The following KIRREL3 variants were observed in gnomAD, a reference collection of about 807,000 sequenced individuals.
KIRREL3 encodes the protein kirre like nephrin family adhesion molecule 3.
KIRREL3 carries 36 observed loss-of-function variants against 89.7 expected under a neutral mutation model. The ratio of observed to expected loss-of-function variants is 0.40; its 90% confidence interval spans 0.31 to 0.53. The LOEUF (loss-of-function observed/expected upper bound fraction) is 0.53, where lower values mean the gene tolerates loss of function less well. Ranked by LOEUF, KIRREL3 falls within the 20% of genes least tolerant of loss-of-function variation. KIRREL3 has a pLI of 0.49. For synonymous variants in KIRREL3, 445 were observed against 441.4 expected (o/e 1.01, Z -0.10); for missense variants, 864 against 1,056.6 (o/e 0.82, Z 2.53).
In KIRREL3 at chr11:126,684,207, C is replaced by G. The variant is rs1401399824; in HGVS notation, c.56-121295G>C. 6.6e-6 allele frequency among the ~76,000 whole-genome samples: 1 copy of G among 152,204 alleles called. No homozygotes were observed. Among genetic ancestry groups the G allele is most frequent in the African/African-American group, 2.4e-5 (1 of 41,458 alleles). On this transcript the variant is annotated intron_variant, in intron 1 of 16. Coordinates refer to ENST00000525144, the MANE Select transcript of KIRREL3 (RefSeq NM_032531.4). This position sits in a 1 kb window ranked among gnomAD's most constrained non-coding sequence, Gnocchi z 4.2. ...GTGCAATATGGTGGGAGGAGCCGGG[C>G]TGGAGGCTGCAGACTCTGCCTCTGT...
rs753660286 is a variant in KIRREL3 at position 126,431,273 on chromosome 11, C to A, written c.1696+146G>T. The stretch of plus-strand genomic sequence containing the variant: ...TTGCCCAGGCTCACATACACCGATG[C>A]ATCAGACCCACTCCCTGCCCCAGGA... On this transcript the variant is annotated intron_variant, in intron 14 of 16. Coordinates refer to ENST00000525144, the MANE Select transcript of KIRREL3 (RefSeq NM_032531.4). This position sits in a 1 kb window ranked among gnomAD's most constrained non-coding sequence, Gnocchi z 7.1. 30 of 1,547,860 alleles carry A rather than the reference C, an allele frequency of 1.9e-5. No homozygotes were observed. The highest frequency in any genetic ancestry group is 2.4e-5 in the Non-Finnish European group (28 of 1,144,424).
Position 126,996,062 on chromosome 11 carries a change from T to G in KIRREL3, c.55+4393A>C, listed in dbSNP as rs1481551359. 6.6e-6 allele frequency among the ~76,000 whole-genome samples: 1 copy of G among 152,136 alleles called. No homozygotes were observed. Among genetic ancestry groups the G allele is most frequent in the Non-Finnish European group, 1.5e-5 (1 of 68,032 alleles). ...CTCCCCCTAGGGACTTTCTTTTCCA[T>G]CCTCAATAGGTCTGGCTGGCAACTG... On this transcript the variant is annotated intron_variant, in intron 1 of 16. Coordinates refer to ENST00000525144, the MANE Select transcript of KIRREL3 (RefSeq NM_032531.4). This position sits in a 1 kb window ranked among gnomAD's most constrained non-coding sequence, Gnocchi z 4.7.
intron 1 of KIRREL3, among the ~76,000 whole-genome samples, chr11:126,858,008 C>T (rs1351165600): frequency 6.6e-6 from 1 of 152,188 alleles, no homozygotes; most frequent in Non-Finnish European, 1.5e-5. Flanking sequence ...AATGGGCTTA[C>T]CACTTTAACA....
At position 126,686,970 on chromosome 11, in the gene KIRREL3, T is replaced by C. The variant is rs1036471077; in HGVS notation, c.56-124058A>G. Among the ~76,000 whole-genome samples the C allele has an allele frequency of 8.5e-5, 13 of 152,142 alleles. No homozygotes were observed. The highest frequency in any genetic ancestry group is 6.5e-4 in the Admixed American group (10 of 15,284). ...TGAGAAGAGTCAAATTCAGAAGGCC[T>C]GACAGAGATGACATCCCTGGAACTG... On this transcript the variant is annotated intron_variant, in intron 1 of 16. Coordinates refer to ENST00000525144, the MANE Select transcript of KIRREL3 (RefSeq NM_032531.4). This position sits in a 1 kb window ranked among gnomAD's most constrained non-coding sequence, Gnocchi z 4.7.
intron 1 of KIRREL3, among the ~76,000 whole-genome samples, chr11:126,770,044 T>C (rs1423303666): frequency 1.3e-5 from 2 of 152,084 alleles, no homozygotes; most frequent in African/African-American, 2.4e-5. Flanking sequence ...TGGGTAGGTG[T>C]GTGAAGCCTC....
chr11:126,732,719 A>G (rs1351101302), intron 1 of KIRREL3, among the ~76,000 whole-genome samples: 1 of 152,200 alleles, frequency 6.6e-6, no homozygotes, highest in Non-Finnish European at 1.5e-5. Context: ...AGACACTTTG[A>G]GGAAGGTAAC....
Position 126,955,151 on chromosome 11 carries a change from T to C in KIRREL3, c.55+45304A>G, listed in dbSNP as rs971648537. 1.3e-5 allele frequency among the ~76,000 whole-genome samples: 2 copies of C among 152,096 alleles called. No individual in the cohort carries two copies. Among genetic ancestry groups the C allele is most frequent in the Non-Finnish European group, 2.9e-5 (2 of 68,002 alleles). On this transcript the variant is annotated intron_variant, in intron 1 of 16. Coordinates refer to ENST00000525144, the MANE Select transcript of KIRREL3 (RefSeq NM_032531.4). This position sits in a 1 kb window ranked among gnomAD's most constrained non-coding sequence, Gnocchi z 4.6. ...TTTCACTGTGGGCTTCCTAATGCAG[T>C]AGGTTTCAAGCATGAATTAGGGGAA...
chr11:126,917,347 C>T lies in KIRREL3; in HGVS notation c.55+83108G>A, dbSNP rs1265990923. ...TTAATGGGTACAGAATTTCTGTTTA[C>T]AGTGATGAAAAAGTTCTGGAAATAA... On this transcript the variant is annotated intron_variant, in intron 1 of 16. Coordinates refer to ENST00000525144, the MANE Select transcript of KIRREL3 (RefSeq NM_032531.4). This position sits in a 1 kb window ranked among gnomAD's most constrained non-coding sequence, Gnocchi z 5.0. Among the ~76,000 whole-genome samples, 3 of 152,172 alleles carry T rather than the reference C, an allele frequency of 2.0e-5. No individual in the cohort carries two copies. The East Asian group carries it at 5.8e-4, about 29-fold the overall frequency.
intron 1 of KIRREL3, among the ~76,000 whole-genome samples, chr11:126,671,770 C>T (rs1945962152): frequency 6.6e-6 from 1 of 152,136 alleles, no homozygotes; most frequent in Non-Finnish European, 1.5e-5. Flanking sequence ...TCCAGAAAAG[C>T]TGACAATACT....
chr11:126,813,133 G>A (rs1474838373), intron 1 of KIRREL3, among the ~76,000 whole-genome samples: 1 of 152,140 alleles, frequency 6.6e-6, no homozygotes, highest in Non-Finnish European at 1.5e-5. Flanking sequence ...CTTTAGGGAG[G>A]TAGAAAAAAT....
intron 1 of KIRREL3, among the ~76,000 whole-genome samples, chr11:126,957,288 A>T (rs1948952406): frequency 6.6e-6 from 1 of 152,208 alleles, no homozygotes; most frequent in African/African-American, 2.4e-5. Context: ...TCATGACTGC[A>T]GTTCAGTCTG....
Position 126,668,137 on chromosome 11 carries a change from T to A in KIRREL3, c.56-105225A>T, listed in dbSNP as rs1487417387. ...GTGGTTTATAAACAACAGAAATTTA[T>A]TTCTTACAGATCTAGAGGCTGAAAG... On this transcript the variant is annotated intron_variant, in intron 1 of 16. Transcript: ENST00000525144. The surrounding 1 kb of genome is among the most constrained non-coding windows in gnomAD (Gnocchi z 4.4). Among the ~76,000 whole-genome samples the A allele has an allele frequency of 6.6e-6, 1 of 152,208 alleles. No individual in the cohort carries two copies. The highest frequency in any genetic ancestry group is 2.4e-5 in the African/African-American group (1 of 41,452).
In KIRREL3 at chr11:126,914,877, G is replaced by C. The variant is rs556298628; in HGVS notation, c.55+85578C>G. Among the ~76,000 whole-genome samples the C allele has an allele frequency of 9.8e-5, 15 of 152,318 alleles. No homozygotes were observed. The South Asian group carries it at 3.1e-3, about 32-fold the overall frequency. On this transcript the variant is annotated intron_variant, in intron 1 of 16. Transcript: ENST00000525144. ...AGTCTTGCCAAATGTACGTTGAAAA[G>C]TAGCACAAGATTAGACAATTAACAT...
At chr11:126,765,337 C>T (rs1418338286) in intron 1 of KIRREL3, among the ~76,000 whole-genome samples, 3 of 152,148 alleles carry the variant, frequency 2.0e-5, no homozygotes, top group African/African-American at 4.8e-5. Flanking sequence ...GAGAGTCAAA[C>T]CCTCACCCCA....
At chr11:126,858,004 C>A (rs978394253) in intron 1 of KIRREL3, among the ~76,000 whole-genome samples, 2 of 152,208 alleles carry the variant, frequency 1.3e-5, no homozygotes, top group Admixed American at 1.3e-4. Flanking sequence ...AAGTAATGGG[C>A]TTACCACTTT....
chr11:126,768,974 C>A lies in KIRREL3; in HGVS notation c.56-206062G>T, dbSNP rs554296377. Among the ~76,000 whole-genome samples the A allele has an allele frequency of 2.0e-5, 3 of 152,340 alleles. No homozygotes were observed. Among genetic ancestry groups the A allele is most frequent in the Admixed American group, 1.3e-4 (2 of 15,306 alleles). ...TGCTTTGTGTCTCAACATCTTTTTA[C>A]ATGATCACGACTTGCAGTTTCCCAA... On this transcript the variant is annotated intron_variant, in intron 1 of 16. Coordinates refer to ENST00000525144, the MANE Select transcript of KIRREL3 (RefSeq NM_032531.4). The surrounding 1 kb of genome is among the most constrained non-coding windows in gnomAD (Gnocchi z 4.5).
rs1940261073 is a variant in KIRREL3 at position 126,563,237 on chromosome 11, C to T, written c.56-325G>A. ...GAACCTAGGCAGTCTGGCTCTGAGTCCATGCTCATAAACATAACTCTGGGT... is the reference window on the plus strand; with the variant it reads ...GAACCTAGGCAGTCTGGCTCTGAGTTCATGCTCATAAACATAACTCTGGGT... On this transcript the variant is annotated intron_variant, in intron 1 of 16. Transcript: ENST00000525144. The surrounding 1 kb of genome is among the most constrained non-coding windows in gnomAD (Gnocchi z 6.8). 6.6e-6 allele frequency among the ~76,000 whole-genome samples: 1 copy of T among 152,164 alleles called. No individual in the cohort carries two copies. Among genetic ancestry groups the T allele is most frequent in the Non-Finnish European group, 1.5e-5 (1 of 68,024 alleles).
At chr11:126,536,567 T>C (rs909479885) in intron 2 of KIRREL3, among the ~76,000 whole-genome samples, 4 of 151,216 alleles carry the variant, frequency 2.6e-5, no homozygotes, top group Admixed American at 2.0e-4. Flanking sequence ...GAGATAAAGC[T>C]TTGATGCAGA....
rs2134334013 is a variant in KIRREL3 at position 126,490,263 on chromosome 11, T to A, written c.434-16797A>T. ...CGGGGGAGGCAAGGCAGCTTTACTTTCTGTGTATGTTTATTTTAGACTCCC... is the reference window on the plus strand; with the variant it reads ...CGGGGGAGGCAAGGCAGCTTTACTTACTGTGTATGTTTATTTTAGACTCCC... On this transcript the variant is annotated intron_variant, in intron 4 of 16. Transcript: ENST00000525144. This position sits in a 1 kb window ranked among gnomAD's most constrained non-coding sequence, Gnocchi z 4.2. Among the ~76,000 whole-genome samples, 1 of 152,210 alleles carries A rather than the reference T, an allele frequency of 6.6e-6. No individual in the cohort carries two copies. Among genetic ancestry groups the A allele is most frequent in the East Asian group, 1.9e-4 (1 of 5,188 alleles).
Sources: allele counts gnomAD v4.1 joint callset (sites outside exome capture counted in the v4.1 genomes callset), GRCh38; gene constraint gnomAD v4.1.1; non-coding constraint Gnocchi (gnomAD v3.1); transcripts MANE v1.5; gene names NCBI Gene and HGNC (gene_info 2026-07-23, HGNC 2026-07-21).